The following KLF15 variants were observed in gnomAD, a reference collection of about 807,000 sequenced individuals.
The protein encoded by KLF15 is Krueppel-like factor 15.
Under a neutral mutation model 24.6 loss-of-function variants are expected in KLF15, and 4 were observed. The ratio of observed to expected loss-of-function variants is 0.16; its 90% CI spans 0.08 to 0.37. KLF15 has a LOEUF of 0.37. KLF15 is among the 10% of genes least tolerant of loss of function. KLF15 has a pLI of 1.00. For synonymous variants in KLF15, 246 were observed against 236.3 expected (o/e 1.04, Z -0.37); for missense variants, 496 against 560.6 (o/e 0.88, Z 1.16).
the KLF15 span, among the ~76,000 whole-genome samples, chr3:126,299,567 G>T: frequency 6.6e-6 from 1 of 151,926 alleles, no homozygotes; most frequent in South Asian, 2.1e-4. Context: ...GGCTAAAACA[G>T]TGAAACCCCG....
downstream of KLF15, among the ~76,000 whole-genome samples, chr3:126,339,437 G>A (rs184903345): frequency 4.6e-5 from 7 of 152,206 alleles, no homozygotes; most frequent in Middle Eastern, 3.4e-3. Context: ...GGCGTTTCTC[G>A]TGCCCTCCCG....
chr3:126,297,129 A>C, the KLF15 span, among the ~76,000 whole-genome samples: 1 of 152,114 alleles, frequency 6.6e-6, no homozygotes, highest in Non-Finnish European at 1.5e-5. Flanking sequence ...TGTTAGTTAA[A>C]CCTTGAAATG....
the KLF15 span, among the ~76,000 whole-genome samples, chr3:126,299,877 C>T: frequency 6.6e-6 from 1 of 152,120 alleles, no homozygotes; most frequent in Non-Finnish European, 1.5e-5. Context: ...GAAGCCCACC[C>T]TGCAGACACC....
downstream of KLF15, among the ~76,000 whole-genome samples, chr3:126,338,238 C>A (rs1165814780): frequency 6.6e-6 from 1 of 152,172 alleles, no homozygotes; most frequent in African/African-American, 2.4e-5. Flanking sequence ...AGGTGGGAAC[C>A]AGGACTCCTG....
the KLF15 span, among the ~76,000 whole-genome samples, chr3:126,311,765 C>G: frequency 5.3e-5 from 8 of 152,338 alleles, no homozygotes; most frequent in East Asian, 1.9e-4. Flanking sequence ...CCCCTCACCC[C>G]CTGAGCCGTC....
At chr3:126,342,206 C>T (rs542912689), downstream of KLF15, among the ~76,000 whole-genome samples, 36 of 152,312 alleles carry the variant, frequency 2.4e-4, no homozygotes, top group African/African-American at 8.2e-4. Flanking sequence ...GGCACAGCCA[C>T]GTTCCTAAGG....
chr3:126,328,906 T>C, the KLF15 span, among the ~76,000 whole-genome samples: 1 of 152,244 alleles, frequency 6.6e-6, no homozygotes, highest in Non-Finnish European at 1.5e-5. Flanking sequence ...GATTTTTATG[T>C]TTTACTCACT....
chr3:126,341,163 C>T (rs562375068), downstream of KLF15, among the ~76,000 whole-genome samples: 1 of 152,154 alleles, frequency 6.6e-6, no homozygotes, highest in South Asian at 2.1e-4. Flanking sequence ...ACACTCATCC[C>T]GGGGAGGTGC....
At chr3:126,311,275 G>T in the KLF15 span, among the ~76,000 whole-genome samples, 2 of 152,192 alleles carry the variant, frequency 1.3e-5, no homozygotes, top group Non-Finnish European at 2.9e-5. Flanking sequence ...GAATTTTTGG[G>T]CTGAGAAGTC....
the KLF15 span, among the ~76,000 whole-genome samples, chr3:126,311,463 C>T: frequency 6.6e-6 from 1 of 152,196 alleles, no homozygotes; most frequent in Non-Finnish European, 1.5e-5. Flanking sequence ...TTCCAGGTTT[C>T]TATCCTCTCC....
At chr3:126,319,518 C>T in the KLF15 span, among the ~76,000 whole-genome samples, 2 of 152,180 alleles carry the variant, frequency 1.3e-5, no homozygotes, top group East Asian at 3.9e-4. Flanking sequence ...TCCCTGATGA[C>T]ATATGATGTT....
the KLF15 span, among the ~76,000 whole-genome samples, chr3:126,328,473 T>C: frequency 4.6e-5 from 7 of 152,202 alleles, 1 homozygote; most frequent in Admixed American, 2.0e-4. Context: ...GATCAAATGG[T>C]TGTTCCACTT....
chr3:126,340,962 T>C (rs1029112784), downstream of KLF15, among the ~76,000 whole-genome samples: 4 of 152,196 alleles, frequency 2.6e-5, 1 homozygote, highest in African/African-American at 9.6e-5. Context: ...CAGAGTCACT[T>C]ACCACGTGCC....
chr3:126,322,181 T>A, the KLF15 span, among the ~76,000 whole-genome samples: 1 of 152,212 alleles, frequency 6.6e-6, no homozygotes, highest in Non-Finnish European at 1.5e-5. Flanking sequence ...TTCATTCTTC[T>A]ACCTGGATAA....
At chr3:126,302,034 CTAAG>C in the KLF15 span, among the ~76,000 whole-genome samples, 2 of 152,062 alleles carry the variant, frequency 1.3e-5, no homozygotes. Context: ...TAAATTTTCT[CTAAG>C]TACTGCTTTA....
At position 126,356,166 on chromosome 3, in the gene KLF15, G is replaced by C. The variant is rs1259552505; in HGVS notation, c.-26+1071C>G. 1.3e-5 allele frequency among the ~76,000 whole-genome samples: 2 copies of C among 152,166 alleles called. No individual in the cohort carries two copies. The highest frequency in any genetic ancestry group is 2.9e-5 in the Non-Finnish European group (2 of 68,028). ...TCAGCGTGCAAATCACGGGGGTGGCGGCGGGGGCTGTCCTTCAAAATAAGA... is the reference window on the plus strand; with the variant it reads ...TCAGCGTGCAAATCACGGGGGTGGCCGCGGGGGCTGTCCTTCAAAATAAGA... On this transcript the variant is annotated intron_variant, in intron 1 of 2. Coordinates refer to ENST00000296233, the MANE Select transcript of KLF15 (RefSeq NM_014079.4). This position sits in a 1 kb window ranked among gnomAD's most constrained non-coding sequence, Gnocchi z 4.4.
the KLF15 span, among the ~76,000 whole-genome samples, chr3:126,316,567 T>A: frequency 5.4e-5 from 7 of 128,716 alleles, no homozygotes; most frequent in African/African-American, 1.9e-4. Context: ...GTACACGGGC[T>A]GGAGTAGGGA....
At chr3:126,348,187 G>C (rs937435976) in intron 2 of KLF15, among the ~76,000 whole-genome samples, 6 of 152,230 alleles carry the variant, frequency 3.9e-5, no homozygotes, top group African/African-American at 1.4e-4. Context: ...CTGGCTGGCT[G>C]ACTGGAGAAT....
the KLF15 span, among the ~76,000 whole-genome samples, chr3:126,306,173 A>G: frequency 1.3e-5 from 2 of 152,150 alleles, no homozygotes; most frequent in African/African-American, 4.8e-5. Context: ...GAAGCTGGTT[A>G]TTTTGGTATC....
Sources: gnomAD v4.1 joint callset for allele counts (sites outside exome capture counted in the v4.1 genomes callset) on GRCh38, gnomAD v4.1.1 for gene constraint, Gnocchi (gnomAD v3.1) non-coding constraint, MANE v1.5 for transcripts, NCBI Gene and HGNC (gene_info 2026-07-23, HGNC 2026-07-21) for gene names.